The following SDC2 variants were observed in gnomAD, a reference collection of about 807,000 sequenced individuals.
SDC2 encodes the protein syndecan-2.
Under a neutral mutation model 22.2 loss-of-function variants are expected in SDC2, and 13 were observed. That is an observed-to-expected ratio of 0.59 (90% CI 0.38 to 0.93). The LOEUF (loss-of-function observed/expected upper bound fraction) is 0.93, where lower values mean the gene tolerates loss of function less well. SDC2 is among the 40% of genes least tolerant of loss of function. The probability of loss-of-function intolerance (pLI) is 0.00; values close to 1 mark genes in which losing one functional copy is unlikely to be tolerated. For synonymous variants in SDC2, 94 were observed against 92.8 expected (o/e 1.01, Z -0.07); for missense variants, 235 against 246.8 (o/e 0.95, Z 0.32).
intron 1 of SDC2, among the ~76,000 whole-genome samples, chr8:96,537,782 GCTGATGGACTTAAAAATAC>G (rs1813777286): frequency 6.6e-6 from 1 of 152,114 alleles, no homozygotes; most frequent in Non-Finnish European, 1.5e-5. Flanking sequence ...TTCCCCAAGG[GCTGATGGACTTAAAAATAC>G]CTGTCAGTTG....
At chr8:96,530,881 G>A (rs904095363) in intron 1 of SDC2, among the ~76,000 whole-genome samples, 21 of 152,178 alleles carry the variant, frequency 1.4e-4, no homozygotes, top group South Asian at 2.1e-4. Context: ...ACAGAATGGC[G>A]GAGCTAAGAT....
At chr8:96,498,040 T>A (rs1415452513) in intron 1 of SDC2, among the ~76,000 whole-genome samples, 1 of 152,248 alleles carries the variant, frequency 6.6e-6, no homozygotes, top group Admixed American at 6.5e-5. Flanking sequence ...TTAACTTTTT[T>A]AGTCAACTGT....
At chr8:96,546,491 A>G (rs1260391593) in intron 1 of SDC2, among the ~76,000 whole-genome samples, 3 of 152,200 alleles carry the variant, frequency 2.0e-5, no homozygotes, top group African/African-American at 7.2e-5. Context: ...GCCCCAGACC[A>G]TAAGATAGAA....
rs141005095 is a variant in SDC2 at position 96,601,105 on chromosome 8, A to G, written c.173-1290A>G. 1.3e-3 allele frequency among the ~76,000 whole-genome samples: 199 copies of G among 152,258 alleles called. 5 individuals carry two copies. The East Asian group carries it at 0.029, about 22-fold the overall frequency. ...CAGGAACTCTTAGGAACCCAAAGAAATAGGGTTTGTCCGGAAGCAGATGGC... is the reference window on the plus strand; with the variant it reads ...CAGGAACTCTTAGGAACCCAAAGAAGTAGGGTTTGTCCGGAAGCAGATGGC... On this transcript the variant is annotated intron_variant, in intron 2 of 4. Transcript: ENST00000302190.
chr8:96,505,110 T>A (rs974163654), intron 1 of SDC2, among the ~76,000 whole-genome samples: 4 of 152,188 alleles, frequency 2.6e-5, no homozygotes, highest in Admixed American at 6.5e-5. Flanking sequence ...AAAACTGGTT[T>A]ATTTTTAGTC....
rs763674327 is a variant in SDC2 at position 96,593,522 on chromosome 8, A to G, written c.103A>G (p.Ser35Gly). The change falls in exon 2 of 5, where the codon AGC becomes GGC. Residue 35 changes from serine to glycine, a missense_variant. Physicochemically the swap from Ser to Gly is moderately conservative, Grantham distance 56. Coordinates refer to ENST00000302190, the MANE Select transcript of SDC2 (RefSeq NM_002998.4). ...TGATAAAGACATGTACCTTGACAAC[A>G]GCTCCATTGAAGAAGCTTCAGGAGT... ...TSDKDMYLDN[S>G]SIEEASGVYP... is the part of the protein sequence containing the mutation. 3 of 1,614,014 alleles carry G rather than the reference A, an allele frequency of 1.9e-6. No homozygotes were observed. The highest frequency in any genetic ancestry group is 2.5e-6 in the Non-Finnish European group (3 of 1,179,954).
chr8:96,595,734 C>G (rs1329917625), intron 2 of SDC2, among the ~76,000 whole-genome samples: 1 of 152,170 alleles, frequency 6.6e-6, no homozygotes, highest in African/African-American at 2.4e-5. Flanking sequence ...TTAAATTAAA[C>G]TTAAGGACAG....
intron 1 of SDC2, among the ~76,000 whole-genome samples, chr8:96,537,952 T>TG (rs55762050): frequency 0.53 from 79,232 of 150,806 alleles, 22,973 homozygotes; most frequent in Non-Finnish European, 0.67. Flanking sequence ...ATGTTTTGTT[T>TG]TTTGTTTGTT....
At chr8:96,503,949 AAT>A (rs1279413694) in intron 1 of SDC2, among the ~76,000 whole-genome samples, 2 of 152,228 alleles carry the variant, frequency 1.3e-5, no homozygotes, top group African/African-American at 4.8e-5. Context: ...CAAAATTTTA[AAT>A]AGAGTATTAT....
intron 1 of SDC2, among the ~76,000 whole-genome samples, chr8:96,565,210 G>A (rs373290349): frequency 6.7e-6 from 1 of 148,996 alleles, no homozygotes; most frequent in Non-Finnish European, 1.5e-5. Context: ...TCAGCCTCCC[G>A]AGTAGCTGGG....
intron 1 of SDC2, among the ~76,000 whole-genome samples, chr8:96,584,357 G>A (rs546135613): frequency 6.7e-4 from 102 of 152,364 alleles, no homozygotes; most frequent in African/African-American, 2.4e-3. Context: ...TGTATAGGGA[G>A]GAGAATATAT....
intron 1 of SDC2, among the ~76,000 whole-genome samples, chr8:96,540,338 G>C (rs796706456): frequency 2.4e-5 from 1 of 41,336 alleles, no homozygotes; most frequent in African/African-American, 5.1e-5. Context: ...CTATATATAT[G>C]TGTATATATA....
At chr8:96,530,164 A>G (rs1212399261) in intron 1 of SDC2, among the ~76,000 whole-genome samples, 2 of 152,122 alleles carry the variant, frequency 1.3e-5, no homozygotes, top group Admixed American at 6.5e-5. Flanking sequence ...TAACATTTTA[A>G]TTCTCTGATT....
At chr8:96,511,132 C>T (rs2130440692) in intron 1 of SDC2, among the ~76,000 whole-genome samples, 1 of 152,214 alleles carries the variant, frequency 6.6e-6, no homozygotes, top group South Asian at 2.1e-4. Flanking sequence ...CTTTAAAAAG[C>T]CCTTCAGGGG....
At chr8:96,538,793 G>C (rs774263507) in intron 1 of SDC2, 2 of 152,220 alleles carry the variant, frequency 1.3e-5, no homozygotes, top group Non-Finnish European at 2.9e-5. Flanking sequence ...TTAGCCCTGT[G>C]CACAGTTAGA....
intron 1 of SDC2, 110 bp from the exon 2 acceptor site, chr8:96,593,370 A>G (rs1237696976): frequency 1.5e-6 from 1 of 677,634 alleles, no homozygotes; most frequent in African/African-American, 1.8e-5. Flanking sequence ...GATTCAGACT[A>G]CTGTGGGAGT....
At chr8:96,511,342 C>T (rs1280145114) in intron 1 of SDC2, among the ~76,000 whole-genome samples, 2 of 152,124 alleles carry the variant, frequency 1.3e-5, no homozygotes, top group Non-Finnish European at 2.9e-5. Context: ...GGTCCCAGAC[C>T]AGCAGTGTGG....
Position 96,610,782 on chromosome 8 carries a change from C to T in SDC2, c.*1234C>T, listed in dbSNP as rs946381692. ...TGTAAATCAAGACCAAAGAGCCTGT[C>T]GATGAGACTGTTTATTACCAGATTC... On this transcript the variant is annotated 3_prime_UTR_variant, in exon 5 of 5. Transcript: ENST00000302190. 5 of 152,560 alleles carry T rather than the reference C, an allele frequency of 3.3e-5. No individual in the cohort carries two copies. Among genetic ancestry groups the T allele is most frequent in the Admixed American group, 1.3e-4 (2 of 15,264 alleles). The allele number at this position is 152,560 out of a possible 1,614,324, so 9.5% of individuals were successfully genotyped here.
Position 96,493,954 on chromosome 8 carries a change from GA to G in SDC2, c.-317del. On this transcript the variant is annotated 5_prime_UTR_variant, in exon 1 of 5. Transcript: ENST00000302190. The stretch of plus-strand genomic sequence containing the variant: ...CCTCGGCACGGGAAAGGAGTCCGCG[GA>G]GGAGCAAAACCACAGCAGAGCAAGA... The G allele has an allele frequency of 2.4e-6, 1 of 410,102 alleles. No homozygotes were observed. Among genetic ancestry groups the G allele is most frequent in the Non-Finnish European group, 4.3e-6 (1 of 231,902 alleles). 25.4% of individuals were successfully genotyped at this position (410,102 alleles called of 1,614,324 possible). A position where few individuals can be genotyped will look rare whatever the true frequency, so the allele number is the denominator to read the frequency against.
Sources: gnomAD v4.1 joint callset for allele counts (sites outside exome capture counted in the v4.1 genomes callset) on GRCh38, gnomAD v4.1.1 for gene constraint, MANE v1.5 for transcripts, NCBI Gene and HGNC (gene_info 2026-07-23, HGNC 2026-07-21) for gene names.